Variants in NFKB2 observed in about 807,000 individuals in gnomAD.
The protein encoded by NFKB2 is nuclear factor kappa B subunit 2.
NFKB2 carries 21 observed loss-of-function variants against 109.3 expected under a neutral mutation model. That is an observed-to-expected ratio of 0.19 (90% CI 0.14 to 0.28). The LOEUF is 0.28. Among genes scored for constraint, NFKB2 ranks in the 10% least tolerant of loss-of-function variants. The probability of loss-of-function intolerance (pLI) is 1.00; values close to 1 mark genes in which losing one functional copy is unlikely to be tolerated. For missense variants in NFKB2, 806 were observed against 1,185.3 expected, an observed-to-expected ratio of 0.68 and a Z score of 4.70; for synonymous variants, 478 against 489.9, an observed-to-expected ratio of 0.98 and a Z score of 0.32.
intron 12 of NFKB2, 151 bp downstream of exon 12, chr10:102,399,015 C>A (rs766483504): frequency 9.3e-5 from 82 of 879,390 alleles, no homozygotes; most frequent in Non-Finnish European, 1.3e-4. Flanking sequence ...GAGTTCAAGA[C>A]CAGCTTGGCC....
In NFKB2 at chr10:102,396,839, G is replaced by A. The variant is rs759969419; in HGVS notation, c.243+16G>A. On this transcript the variant is annotated intron_variant, in intron 5 of 22. Transcript: ENST00000661543. This position sits in a 1 kb window ranked among gnomAD's most constrained non-coding sequence, Gnocchi z 5.9. ...CACTGTCAAGGTGAGCCAGGATGGT[G>A]CTGGAGGGTGGGCTAAGTGGACAGC... is the stretch of plus-strand genomic sequence containing the variant. 6.2e-7 allele frequency: 1 copy of A among 1,606,706 alleles called. No individual in the cohort carries two copies. Among genetic ancestry groups the A allele is most frequent in the South Asian group, 1.1e-5 (1 of 90,972 alleles).
Position 102,397,771 on chromosome 10 carries a change from C to G in NFKB2, c.661+86C>G. On this transcript the variant is annotated intron_variant, in intron 8 of 22. Transcript: ENST00000661543. This position sits in a 1 kb window ranked among gnomAD's most constrained non-coding sequence, Gnocchi z 4.7. ...CTCAAGCTGTGCAGTCAAACAGACC[C>G]AGGTTTCAGAACCTGGCCCTGCCAC... 1 of 1,512,146 alleles carries G rather than the reference C, an allele frequency of 6.6e-7. No homozygotes were observed. The allele number at this position is 1,512,146 out of a possible 1,614,324, so 93.7% of individuals were successfully genotyped here.
Position 102,399,472 on chromosome 10 carries a change from G to A in NFKB2, c.1302G>A (p.Pro434=), listed in dbSNP as rs1246090339. 1 of 1,495,548 alleles carries A rather than the reference G, an allele frequency of 6.7e-7. No homozygotes were observed. Among genetic ancestry groups the A allele is most frequent in the Non-Finnish European group, 8.9e-7 (1 of 1,120,706 alleles). 92.6% of individuals were successfully genotyped at this position (1,495,548 alleles called of 1,614,324 possible). A position where few individuals can be genotyped will look rare whatever the true frequency, so the allele number is the denominator to read the frequency against. The change falls in exon 13 of 23, where the codon CCG becomes CCA. Residue 434 remains proline, a synonymous_variant. Coordinates refer to ENST00000661543, the MANE Select transcript of NFKB2 (RefSeq NM_001322934.2). ...CCTCCAGGACCCCCCAGTGCGAGCC[G>A]CAGGCCCCGGAGATGCTGCAGCGAG... is the stretch of plus-strand genomic sequence containing the variant. ...SAPSRTPQCE[P]QAPEMLQRAR...
chr10:102,399,538 G>C, intron 13 of NFKB2, 39 bp from the exon 14 acceptor site: 1 of 1,524,460 alleles, frequency 6.6e-7, no homozygotes, highest in Non-Finnish European at 8.8e-7. Context: ...CGCCGGGGCT[G>C]AGGACCTAGC....
In NFKB2 at chr10:102,402,391, C is replaced by T; in HGVS notation, c.*15C>T. On this transcript the variant is annotated 3_prime_UTR_variant, in exon 23 of 23. Coordinates refer to ENST00000661543, the MANE Select transcript of NFKB2 (RefSeq NM_001322934.2). Reference sequence around the variant, plus strand: ...AGGTGCACTGACCTGCTGCCTGCCCCCAGCCCCCTTCCCGGACCCCCTGTA... The same window carrying T: ...AGGTGCACTGACCTGCTGCCTGCCCTCAGCCCCCTTCCCGGACCCCCTGTA... 4 of 1,495,220 alleles carry T rather than the reference C, an allele frequency of 2.7e-6. No individual in the cohort carries two copies. The highest frequency in any genetic ancestry group is 3.6e-6 in the Non-Finnish European group (4 of 1,111,352). 92.6% of individuals were successfully genotyped at this position (1,495,220 alleles called of 1,614,324 possible).
At position 102,398,353 on chromosome 10, in the gene NFKB2, A is replaced by T. The variant is rs756243185; in HGVS notation, c.853-32A>T. On this transcript the variant is annotated intron_variant, in intron 10 of 22. Coordinates refer to ENST00000661543, the MANE Select transcript of NFKB2 (RefSeq NM_001322934.2). This position sits in a 1 kb window ranked among gnomAD's most constrained non-coding sequence, Gnocchi z 6.6. ...GGGGGCTAAATTAGGCTAAGGACTC[A>T]CTGACACCCTGTGTCTCCCTGCACC... 6.2e-7 allele frequency: 1 copy of T among 1,614,004 alleles called. No homozygotes were observed. Among genetic ancestry groups the T allele is most frequent in the Non-Finnish European group, 8.5e-7 (1 of 1,179,956 alleles).
rs1436691362 is a variant in NFKB2, at chr10:102,400,063, C to G, written c.1470-17C>G. 3 of 1,611,486 alleles carry G rather than the reference C, an allele frequency of 1.9e-6. No individual in the cohort carries two copies. Among genetic ancestry groups the G allele is most frequent in the Middle Eastern group, 3.3e-4 (2 of 6,056 alleles). On this transcript the variant is annotated splice_polypyrimidine_tract_variant and intron_variant, in intron 14 of 22. Coordinates refer to ENST00000661543, the MANE Select transcript of NFKB2 (RefSeq NM_001322934.2). The surrounding 1 kb of genome is among the most constrained non-coding windows in gnomAD (Gnocchi z 6.3). ...GCTCTGAGTGGCTGGGCCAGACTCTCGCTCCCCAACCCCCAGACCACTGCA... is the reference window on the plus strand; with the variant it reads ...GCTCTGAGTGGCTGGGCCAGACTCTGGCTCCCCAACCCCCAGACCACTGCA...
In NFKB2 at chr10:102,397,070, C is replaced by G. The variant is rs747767183; in HGVS notation, c.395+15C>G. 18 of 1,602,106 alleles carry G rather than the reference C, an allele frequency of 1.1e-5. No individual in the cohort carries two copies. Among genetic ancestry groups the G allele is most frequent in the Non-Finnish European group, 1.4e-5 (16 of 1,170,886 alleles). On this transcript the variant is annotated intron_variant, in intron 6 of 22. Coordinates refer to ENST00000661543, the MANE Select transcript of NFKB2 (RefSeq NM_001322934.2). The surrounding 1 kb of genome is among the most constrained non-coding windows in gnomAD (Gnocchi z 4.7). The stretch of plus-strand genomic sequence containing the variant: ...ATGACTGCCCAGTAGGTGCCCTCTA[C>G]GCCTGGCCCCCACTGGTATGCCCGT...
rs765663456 is a variant in NFKB2 at position 102,395,925 on chromosome 10, G to T, written c.-35G>T. On this transcript the variant is annotated 5_prime_UTR_variant, in exon 2 of 23. Coordinates refer to ENST00000661543, the MANE Select transcript of NFKB2 (RefSeq NM_001322934.2). ...AATTCTGGGAAGCAGAACCTGGCCG[G>T]AGCCACTAGACAGAGCCGGGCCTAG... 3.2e-5 allele frequency: 51 copies of T among 1,611,396 alleles called. No homozygotes were observed. The highest frequency in any genetic ancestry group is 4.2e-5 in the Non-Finnish European group (50 of 1,179,702).
In NFKB2 at chr10:102,396,370, C is replaced by A. The variant is rs757250696; in HGVS notation, c.103+36C>A. ...TCACTAACCTCCCCTAGTCCTAAAGCGGGGGAGGGAGAGCATGTGCCCTCT... is the reference window on the plus strand; with the variant it reads ...TCACTAACCTCCCCTAGTCCTAAAGAGGGGGAGGGAGAGCATGTGCCCTCT... On this transcript the variant is annotated intron_variant, in intron 3 of 22. Coordinates refer to ENST00000661543, the MANE Select transcript of NFKB2 (RefSeq NM_001322934.2). The surrounding 1 kb of genome is among the most constrained non-coding windows in gnomAD (Gnocchi z 5.9). The A allele has an allele frequency of 9.9e-6, 16 of 1,613,102 alleles. No homozygotes were observed. Among genetic ancestry groups the A allele is most frequent in the Non-Finnish European group, 1.0e-5 (12 of 1,179,096 alleles).
intron 12 of NFKB2, 157 bp downstream of exon 12, chr10:102,399,021 T>C (rs1292101739): frequency 1.2e-6 from 1 of 855,928 alleles, no homozygotes; most frequent in Admixed American, 2.8e-5. Flanking sequence ...AAGACCAGCT[T>C]GGCCAACAGC....
Position 102,396,099 on chromosome 10 carries a change from G to T in NFKB2, c.21+119G>T. 1 of 1,501,422 alleles carries T rather than the reference G, an allele frequency of 6.7e-7. No homozygotes were observed. 93.0% of individuals were successfully genotyped at this position (1,501,422 alleles called of 1,614,324 possible). A position where few individuals can be genotyped will look rare whatever the true frequency, so the allele number is the denominator to read the frequency against. On this transcript the variant is annotated intron_variant, in intron 2 of 22. Transcript: ENST00000661543. The surrounding 1 kb of genome is among the most constrained non-coding windows in gnomAD (Gnocchi z 5.9). ...GCTCGCAGATGCTCTCAGCCTGCCAGTCTGTCCATCTGTCTGCAACTCTGC... is the reference window on the plus strand; with the variant it reads ...GCTCGCAGATGCTCTCAGCCTGCCATTCTGTCCATCTGTCTGCAACTCTGC...
At position 102,401,783 on chromosome 10, in the gene NFKB2, C is replaced by T. The variant is rs201232602; in HGVS notation, c.2332C>T (p.Leu778=). ...ACTTGGTGATACAGCTCTGCAGAAC[C>T]TGGAGCAGCTGCTAGACGGGCCAGA... The part of the protein sequence containing the change: ...LSLGDTALQN[L]EQLLDGPEAQ... Residue 778 remains leucine (L), a synonymous_variant, in exon 21 of 23, where the codon CTG becomes TTG. Coordinates refer to ENST00000661543, the MANE Select transcript of NFKB2 (RefSeq NM_001322934.2). The surrounding 1 kb of genome is among the most constrained non-coding windows in gnomAD (Gnocchi z 4.2). The T allele has an allele frequency of 2.5e-6, 4 of 1,612,696 alleles. No individual in the cohort carries two copies. In the Admixed American group the frequency reaches 6.7e-5, roughly 27 times the overall value.
Position 102,401,608 on chromosome 10 carries a change from T to C in NFKB2, c.2293+90T>C, listed in dbSNP as rs2061252621. 1.3e-6 allele frequency: 2 copies of C among 1,541,346 alleles called. No individual in the cohort carries two copies. The highest frequency in any genetic ancestry group is 1.8e-6 in the Non-Finnish European group (2 of 1,128,402). The stretch of plus-strand genomic sequence containing the variant: ...AGGACCTCTGAAGGAGGCCTCCCTT[T>C]CTCTACCCTCAGCCCCGTCCATCAC... On this transcript the variant is annotated intron_variant, in intron 20 of 22. Coordinates refer to ENST00000661543, the MANE Select transcript of NFKB2 (RefSeq NM_001322934.2). The surrounding 1 kb of genome is among the most constrained non-coding windows in gnomAD (Gnocchi z 4.2).
rs370993988 is a variant in NFKB2, at chr10:102,401,496, C to T, written c.2271C>T (p.Pro757=). ...CTGCTCAGAACACCATGGAGCCACC[C>T]CTGACCCCGCCCAGCCCAGCAGGTG... ...LNAAQNTMEP[P]LTPPSPAGPG... Residue 757 remains proline (P), a synonymous_variant, in exon 20 of 23, where the codon CCC becomes CCT. Transcript: ENST00000661543. The surrounding 1 kb of genome is among the most constrained non-coding windows in gnomAD (Gnocchi z 4.2). 18 of 1,613,358 alleles carry T rather than the reference C, an allele frequency of 1.1e-5. No individual in the cohort carries two copies. In the African/African-American group the frequency reaches 2.3e-4, roughly 20 times the overall value.
rs2061147000 is a variant in NFKB2, at chr10:102,397,965, A to G, written c.662-16A>G. 1 of 1,613,250 alleles carries G rather than the reference A, an allele frequency of 6.2e-7. No homozygotes were observed. The highest frequency in any genetic ancestry group is 8.5e-7 in the Non-Finnish European group (1 of 1,179,204). ...GCTATTGCATCATCTCAACTAATCCATATCCCACTCCATAGAATCTCCGGG... is the reference window on the plus strand; with the variant it reads ...GCTATTGCATCATCTCAACTAATCCGTATCCCACTCCATAGAATCTCCGGG... On this transcript the variant is annotated splice_polypyrimidine_tract_variant and intron_variant, in intron 8 of 22. Coordinates refer to ENST00000661543, the MANE Select transcript of NFKB2 (RefSeq NM_001322934.2). This position sits in a 1 kb window ranked among gnomAD's most constrained non-coding sequence, Gnocchi z 4.7.
At chr10:102,395,509 G>A (rs1035495053), upstream of NFKB2, among the ~76,000 whole-genome samples, 35 of 152,280 alleles carry the variant, frequency 2.3e-4, no homozygotes, top group African/African-American at 8.4e-4. Context: ...CTGGAGGGAG[G>A]AGGGGGCTTA....
Position 102,401,601 on chromosome 10 carries a change from C to T in NFKB2, c.2293+83C>T. 6.5e-7 allele frequency: 1 copy of T among 1,538,306 alleles called. No individual in the cohort carries two copies. Among genetic ancestry groups the T allele is most frequent in the Non-Finnish European group, 8.9e-7 (1 of 1,124,160 alleles). The stretch of plus-strand genomic sequence containing the variant: ...CTCCTTCAGGACCTCTGAAGGAGGC[C>T]TCCCTTTCTCTACCCTCAGCCCCGT... On this transcript the variant is annotated intron_variant, in intron 20 of 22. Transcript: ENST00000661543. This position sits in a 1 kb window ranked among gnomAD's most constrained non-coding sequence, Gnocchi z 4.2.
chr10:102,399,822 C>T (rs1275798260), intron 14 of NFKB2, 104 bp downstream of exon 14: 3 of 1,410,212 alleles, frequency 2.1e-6, no homozygotes. Flanking sequence ...GCTTCAAGTC[C>T]GGCCTCGGTG....
Sources: gnomAD v4.1 joint callset for allele counts (sites outside exome capture counted in the v4.1 genomes callset) on GRCh38, gnomAD v4.1.1 for gene constraint, Gnocchi (gnomAD v3.1) non-coding constraint, MANE v1.5 for transcripts, NCBI Gene and HGNC (gene_info 2026-07-23, HGNC 2026-07-21) for gene names.